The following DDX60 variants were observed in gnomAD, a reference collection of about 807,000 sequenced individuals.
DDX60 encodes the protein DExD/H-box helicase 60.
Under a neutral mutation model 212.8 loss-of-function variants are expected in DDX60, and 165 were observed. The ratio of observed to expected loss-of-function variants is 0.78; its 90% CI spans 0.68 to 0.88. The LOEUF is 0.88. Ranked by LOEUF, DDX60 falls within the 40% of genes least tolerant of loss-of-function variation. The pLI, the probability that DDX60 is intolerant of heterozygous loss-of-function variation, is 0.00. For missense variants in DDX60, 1,905 were observed against 2,003.9 expected (o/e 0.95, Z 0.94); for synonymous variants, 703 against 685.3 (o/e 1.03, Z -0.40).
chr4:168,264,092 A>G (rs1181142434), intron 22 of DDX60, among the ~76,000 whole-genome samples: 1 of 152,210 alleles, frequency 6.6e-6, no homozygotes, highest in Non-Finnish European at 1.5e-5. Context: ...AACACAGTTG[A>G]AAAAAACTGG....
At chr4:168,236,185 G>A in intron 33 of DDX60, 67 bp downstream of exon 33, 4 of 1,462,956 alleles carry the variant, frequency 2.7e-6, no homozygotes, top group Non-Finnish European at 3.7e-6. Context: ...CAGCTGCTAA[G>A]TCATTTTAGG....
At chr4:168,230,792 T>A (rs1179335515) in intron 33 of DDX60, among the ~76,000 whole-genome samples, 1 of 150,986 alleles carries the variant, frequency 6.6e-6, no homozygotes, top group East Asian at 1.9e-4. Context: ...AGAGAAACAA[T>A]AACAAACCAA....
chr4:168,323,100 C>A (rs988277841), upstream of DDX60, among the ~76,000 whole-genome samples: 3 of 152,154 alleles, frequency 2.0e-5, no homozygotes, highest in African/African-American at 7.2e-5. Flanking sequence ...CTCAAAGCAG[C>A]CTCAACTTTC....
At chr4:168,279,866 G>A (rs1735513460) in intron 14 of DDX60, among the ~76,000 whole-genome samples, 1 of 152,098 alleles carries the variant, frequency 6.6e-6, no homozygotes, top group Non-Finnish European at 1.5e-5. Flanking sequence ...GAAAAAATAT[G>A]GAATACAATT....
chr4:168,246,600 T>C lies in DDX60; in HGVS notation c.3982A>G (p.Arg1328Gly). Residue 1328 changes from arginine to glycine, a missense_variant, in exon 30 of 38, where the codon AGA (arginine) becomes GGA (glycine). Physicochemically the swap from Arg to Gly is moderately radical, Grantham distance 125 (BLOSUM62 -2). Coordinates refer to ENST00000393743, the MANE Select transcript of DDX60 (RefSeq NM_017631.6). ...NYRQMSGRAG[R>G]RGQDLMGDVY... ...TCTCCCATCAGGTCTTGACCTCTTC[T>C]TCCAGCACGGCCAGACATCTGAAAA... The C allele has an allele frequency of 6.2e-7, 1 of 1,614,110 alleles. No individual in the cohort carries two copies. The highest frequency in any genetic ancestry group is 8.5e-7 in the Non-Finnish European group (1 of 1,179,970).
At chr4:168,297,690 G>A (rs1015848298) in intron 6 of DDX60, among the ~76,000 whole-genome samples, 1 of 152,118 alleles carries the variant, frequency 6.6e-6, no homozygotes, top group African/African-American at 2.4e-5. Flanking sequence ...GGGAGGCTGG[G>A]GCCAGGAGTT....
intron 8 of DDX60, 100 bp from the exon 9 acceptor site, chr4:168,288,415 A>T: frequency 2.5e-6 from 2 of 804,500 alleles, no homozygotes; most frequent in Non-Finnish European, 3.8e-6. Context: ...GGGCAGGATC[A>T]TTCCAATCCT....
At chr4:168,275,913 A>T (rs903189352) in intron 15 of DDX60, 102 bp downstream of exon 15, 33 of 121,422 alleles carry the variant, frequency 2.7e-4, no homozygotes, top group Non-Finnish European at 4.4e-4. Context: ...TATTTTCAGT[A>T]AAAAAAAAAA....
chr4:168,230,824 A>G (rs186168349), intron 33 of DDX60, among the ~76,000 whole-genome samples: 2 of 152,236 alleles, frequency 1.3e-5, no homozygotes, highest in Admixed American at 6.5e-5. Context: ...GCAGAAGAAA[A>G]GAAATAGCAA....
intron 1 of DDX60, among the ~76,000 whole-genome samples, chr4:168,312,832 A>T (rs1737200621): frequency 6.6e-6 from 1 of 151,684 alleles, no homozygotes; most frequent in Admixed American, 6.6e-5. Context: ...TATTACAATA[A>T]TAATGCAAGG....
chr4:168,255,953 G>T, intron 25 of DDX60, 84 bp from the exon 26 acceptor site: 1 of 1,376,226 alleles, frequency 7.3e-7, no homozygotes, highest in South Asian at 1.5e-5. Flanking sequence ...CTATCATCCC[G>T]ACATCTGCCT....
intron 33 of DDX60, among the ~76,000 whole-genome samples, chr4:168,233,100 T>G (rs1001464416): frequency 6.6e-6 from 1 of 151,806 alleles, no homozygotes; most frequent in Non-Finnish European, 1.5e-5. Context: ...AACAAACATA[T>G]GAAAAAAATG....
At chr4:168,322,200 T>G (rs146459023), upstream of DDX60, among the ~76,000 whole-genome samples, 103 of 152,322 alleles carry the variant, frequency 6.8e-4, 1 homozygote, top group African/African-American at 2.4e-3. Context: ...GCCCCTCTCT[T>G]CTAAAGTGCC....
chr4:168,227,081 T>C (rs1733282702), intron 33 of DDX60, among the ~76,000 whole-genome samples: 1 of 152,080 alleles, frequency 6.6e-6, no homozygotes, highest in Non-Finnish European at 1.5e-5. Context: ...CTCTTTACGA[T>C]AAAAATCATG....
chr4:168,275,207 A>G, intron 16 of DDX60, 138 bp downstream of exon 16: 1 of 844,316 alleles, frequency 1.2e-6, no homozygotes, highest in Non-Finnish European at 1.7e-6. Flanking sequence ...AATAGTCCAC[A>G]TTTGACATTT....
chr4:168,324,725 T>C, the DDX60 span, among the ~76,000 whole-genome samples: 5 of 152,268 alleles, frequency 3.3e-5, no homozygotes, highest in East Asian at 5.8e-4. Context: ...CTTATACTTA[T>C]GCATGAACCA....
intron 21 of DDX60, 40 bp from the exon 22 acceptor site, chr4:168,267,731 G>A (rs750560815): frequency 1.3e-4 from 198 of 1,535,480 alleles, no homozygotes; most frequent in Non-Finnish European, 1.7e-4. Context: ...CAATGGAAAT[G>A]TAATCACTGA....
chr4:168,273,721 G>A (rs1469894901), intron 17 of DDX60, among the ~76,000 whole-genome samples: 1 of 152,006 alleles, frequency 6.6e-6, no homozygotes, highest in East Asian at 1.9e-4. Flanking sequence ...GATGTCTAAA[G>A]TTTGAATATG....
chr4:168,257,115 A>C (rs1393366281), intron 25 of DDX60, among the ~76,000 whole-genome samples: 1 of 152,208 alleles, frequency 6.6e-6, no homozygotes, highest in East Asian at 1.9e-4. Context: ...ACCTGAAGTC[A>C]GGAGTTCGAG....
Sources: gnomAD v4.1 joint callset for allele counts (sites outside exome capture counted in the v4.1 genomes callset) on GRCh38, gnomAD v4.1.1 for gene constraint, MANE v1.5 for transcripts, NCBI Gene and HGNC (gene_info 2026-07-23, HGNC 2026-07-21) for gene names.